CACNA2D1: variants seen among roughly 807,000 people sequenced by gnomAD.
The protein encoded by CACNA2D1 is voltage-dependent calcium channel subunit alpha-2/delta-1.
CACNA2D1 carries 53 observed loss-of-function variants against 171.5 expected under a neutral mutation model. The observed-to-expected ratio is 0.31, with a 90% confidence interval of 0.25 to 0.39. The LOEUF (loss-of-function observed/expected upper bound fraction) is 0.39, where lower values mean the gene tolerates loss of function less well. CACNA2D1 is among the 10% of genes least tolerant of loss of function. The pLI is 1.00. For synonymous variants in CACNA2D1, 442 were observed against 443.1 expected (o/e 1.00, Z 0.03); for missense variants, 903 against 1,299.8 (o/e 0.69, Z 4.69).
In CACNA2D1 at chr7:82,134,038, A is replaced by G. The variant is rs549853734; in HGVS notation, c.396+2597T>C. On this transcript the variant is annotated intron_variant, in intron 5 of 38. Coordinates refer to ENST00000356860, the MANE Select transcript of CACNA2D1 (RefSeq NM_000722.4). ...CAGTGAACCGAGATCGCACCACTGT[A>G]CTCCAGCCTGGGCGACAGAGCGAGA... Among the ~76,000 whole-genome samples, 25 of 152,006 alleles carry G rather than the reference A, an allele frequency of 1.6e-4. No homozygotes were observed. In the South Asian group the frequency reaches 5.0e-3, roughly 30 times the overall value.
rs1266181756 is a variant in CACNA2D1 at position 82,311,541 on chromosome 7, C to A, written c.294+23594G>T. On this transcript the variant is annotated intron_variant, in intron 3 of 38. Transcript: ENST00000356860. ...TTCTTTTCCACAATCAAAAAAAAAT[C>A]TTTTTTCTTTCAAGTTACTTACAGC... 2.0e-5 allele frequency among the ~76,000 whole-genome samples: 3 copies of A among 151,920 alleles called. No homozygotes were observed. The South Asian group carries it at 6.2e-4, about 32-fold the overall frequency.
At chr7:82,132,635 C>T (rs181059946) in intron 5 of CACNA2D1, among the ~76,000 whole-genome samples, 18 of 152,160 alleles carry the variant, frequency 1.2e-4, no homozygotes, top group Admixed American at 2.0e-4. Context: ...AAGAGCTACA[C>T]TGAGGAAAGC....
intron 10 of CACNA2D1, among the ~76,000 whole-genome samples, chr7:82,060,201 T>TTATATATATAATATATATATAATA (rs1806600822): frequency 1.9e-4 from 2 of 10,420 alleles, no homozygotes; most frequent in Non-Finnish European, 5.2e-4. Context: ...TATATATATA[T>TTATATATATAATATATATATAATA]TATATATATA....
chr7:82,325,695 T>C (rs42049), intron 3 of CACNA2D1, among the ~76,000 whole-genome samples: 107,917 of 152,082 alleles, frequency 0.71, 38,475 homozygotes, highest in East Asian at 0.8. Flanking sequence ...TTCAGCTATG[T>C]ACTGTAAAGA....
At chr7:82,061,745 G>A (rs1209899361) in intron 9 of CACNA2D1, among the ~76,000 whole-genome samples, 1 of 152,150 alleles carries the variant, frequency 6.6e-6, no homozygotes, top group African/African-American at 2.4e-5. Context: ...ATTTTTCAAA[G>A]ACAGTTTGAT....
chr7:82,142,733 T>C (rs1468384758), intron 4 of CACNA2D1, among the ~76,000 whole-genome samples: 8 of 152,152 alleles, frequency 5.3e-5, no homozygotes, highest in Admixed American at 5.2e-4. Flanking sequence ...TTTTACAAAA[T>C]ATTGCAATCT....
At chr7:82,098,476 A>G (rs1411193970) in intron 6 of CACNA2D1, among the ~76,000 whole-genome samples, 1 of 152,182 alleles carries the variant, frequency 6.6e-6, no homozygotes, top group African/African-American at 2.4e-5. Flanking sequence ...TCATGTACCC[A>G]GGGATAGAAC....
intron 12 of CACNA2D1, among the ~76,000 whole-genome samples, chr7:82,016,606 GCC>G (rs1562873837): frequency 7.8e-5 from 7 of 89,174 alleles, no homozygotes; most frequent in South Asian, 4.6e-4. Flanking sequence ...AACACTAGCC[GCC>G]CGCCCCCCCC....
At chr7:82,266,550 CTT>C (rs1563282110) in intron 3 of CACNA2D1, among the ~76,000 whole-genome samples, 1 of 151,886 alleles carries the variant, frequency 6.6e-6, no homozygotes, top group Non-Finnish European at 1.5e-5. Flanking sequence ...GATTTTTGCT[CTT>C]GTCACTCAGG....
At position 82,064,452 on chromosome 7, in the gene CACNA2D1, T is replaced by C. The variant is rs73703113; in HGVS notation, c.729-98A>G. On this transcript the variant is annotated intron_variant, in intron 8 of 38. Transcript: ENST00000356860. The stretch of plus-strand genomic sequence containing the variant: ...TACTGACTCTGAGACAAGGTTTTTT[T>C]CCCCAAGCAAAGACCCACTTCTATC... 0.074 allele frequency: 63,213 copies of C among 859,550 alleles called. 2,862 individuals are homozygous for C. Among genetic ancestry groups the C allele is most frequent in the Middle Eastern group, 0.14 (491 of 3,408 alleles). 53.2% of individuals were successfully genotyped at this position (859,550 alleles called of 1,614,324 possible). A position where few individuals can be genotyped will look rare whatever the true frequency, so the allele number is the denominator to read the frequency against.
rs371528408 is a variant in CACNA2D1 at position 82,256,821 on chromosome 7, T to C, written c.294+78314A>G. ...ACGAATCTCTAAGGCATTTAAAATA[T>C]GAAGCAAAAAAATTTTAGGTAAGAT... On this transcript the variant is annotated intron_variant, in intron 3 of 38. Coordinates refer to ENST00000356860, the MANE Select transcript of CACNA2D1 (RefSeq NM_000722.4). Among the ~76,000 whole-genome samples, 209 of 152,274 alleles carry C rather than the reference T, an allele frequency of 1.4e-3. 4 individuals are homozygous for C. The highest frequency in any genetic ancestry group is 4.8e-3 in the African/African-American group (200 of 41,566).
intron 6 of CACNA2D1, among the ~76,000 whole-genome samples, chr7:82,099,643 G>A (rs1430394513): frequency 2.6e-5 from 2 of 76,200 alleles, no homozygotes; most frequent in African/African-American, 4.1e-5. Context: ...TAGAGACAGG[G>A]TTTCACCGTG....
chr7:82,064,162 A>C, intron 9 of CACNA2D1, 142 bp downstream of exon 9: 1 of 533,734 alleles, frequency 1.9e-6, no homozygotes, highest in Non-Finnish European at 3.4e-6. Context: ...ATATGGCTTC[A>C]TTGCCTGAAT....
chr7:82,195,296 G>A (rs1361205235), intron 3 of CACNA2D1, among the ~76,000 whole-genome samples: 1 of 151,794 alleles, frequency 6.6e-6, no homozygotes. Flanking sequence ...GAACACATAA[G>A]GTAACACTTC....
intron 3 of CACNA2D1, among the ~76,000 whole-genome samples, chr7:82,299,396 C>T (rs1039130078): frequency 2.6e-5 from 4 of 152,004 alleles, no homozygotes; most frequent in Non-Finnish European, 5.9e-5. Flanking sequence ...TGCGGTGGCT[C>T]ACGTCTGTAA....
intron 3 of CACNA2D1, among the ~76,000 whole-genome samples, chr7:82,291,661 A>ATTTTTTTT (rs566911222): frequency 7.4e-6 from 1 of 135,748 alleles, no homozygotes; most frequent in African/African-American, 2.8e-5. Context: ...ATATATATAT[A>ATTTTTTTT]TTTTTTTTTC....
chr7:82,273,352 G>T (rs1311084377), intron 3 of CACNA2D1, among the ~76,000 whole-genome samples: 2 of 151,804 alleles, frequency 1.3e-5, no homozygotes, highest in Admixed American at 1.3e-4. Context: ...GATATTTGTG[G>T]TATTAAAAAC....
At chr7:82,263,136 G>T (rs979737502) in intron 3 of CACNA2D1, among the ~76,000 whole-genome samples, 3 of 133,954 alleles carry the variant, frequency 2.2e-5, no homozygotes, top group Non-Finnish European at 4.6e-5. Flanking sequence ...ACAGAGTCTG[G>T]CTCTGTCACC....
At chr7:81,958,998 CCATAATTAA>C (rs1222641463) in intron 38 of CACNA2D1, among the ~76,000 whole-genome samples, 1 of 151,754 alleles carries the variant, frequency 6.6e-6, no homozygotes, top group African/African-American at 2.4e-5. Flanking sequence ...AACAAATATA[CCATAATTAA>C]CATTTACTAT....
Sources: gnomAD v4.1 joint callset for allele counts (sites outside exome capture counted in the v4.1 genomes callset) on GRCh38, gnomAD v4.1.1 for gene constraint, MANE v1.5 for transcripts, NCBI Gene and HGNC (gene_info 2026-07-23, HGNC 2026-07-21) for gene names.